The following TMEM238 variants were observed in gnomAD, a reference collection of about 807,000 sequenced individuals.
TMEM238 encodes transmembrane protein 238.
For synonymous variants in TMEM238, 103 were observed against 111.5 expected (o/e 0.92, Z 0.48); for missense variants, 169 against 206.8 (o/e 0.82, Z 1.12).
chr19:55,383,990 G>T lies in TMEM238; in HGVS notation c.270C>A (p.Tyr90Ter). Residue 90 changes from tyrosine (Y) to a stop codon, truncating the protein, a stop_gained, in exon 1 of 2, where the codon TAC becomes TAA. Transcript: ENST00000444469. LOFTEE classifies it low-confidence loss of function (END_TRUNC). This position sits in a 1 kb window ranked among gnomAD's most constrained non-coding sequence, Gnocchi z 4.9. The stretch of plus-strand genomic sequence containing the variant: ...GGCGCGAGATCTCGATGTTGCCGGT[G>T]TACCAGAGGATCCAGCCCAGCAGGC... ...FLSLLGWILW[Y>*]TGNIEISRQE... is the part of the protein sequence containing the mutation. The T allele has an allele frequency of 1.4e-6, 2 of 1,443,004 alleles. No individual in the cohort carries two copies. 89.4% of individuals were successfully genotyped at this position (1,443,004 alleles called of 1,614,324 possible).
Position 55,383,705 on chromosome 19 carries a change from C to A in TMEM238, c.*7+17G>T. 1 of 258,616 alleles carries A rather than the reference C, an allele frequency of 3.9e-6. No homozygotes were observed. The highest frequency in any genetic ancestry group is 7.4e-6 in the Non-Finnish European group (1 of 135,178). The allele number at this position is 258,616 out of a possible 1,614,324, so 16.0% of individuals were successfully genotyped here. A position where few individuals can be genotyped will look rare whatever the true frequency, so the allele number is the denominator to read the frequency against. On this transcript the variant is annotated intron_variant, in intron 1 of 1. Transcript: ENST00000444469. The surrounding 1 kb of genome is among the most constrained non-coding windows in gnomAD (Gnocchi z 4.9). ...TCGGTCCCTCCGTCTCCCCGCCCTG[C>A]CCCGCCCGCCCCTCACCTGGGCCTC...
intron 1 of TMEM238, among the ~76,000 whole-genome samples, chr19:55,382,834 T>G (rs1439973416): frequency 6.6e-6 from 1 of 152,164 alleles, no homozygotes; most frequent in African/African-American, 2.4e-5. Flanking sequence ...CTGTTGGTCC[T>G]TCTTACTCCT....
chr19:55,383,423 C>A lies in TMEM238; in HGVS notation c.*7+299G>T, dbSNP rs1372862327. 6.6e-6 allele frequency among the ~76,000 whole-genome samples: 1 copy of A among 152,084 alleles called. No individual in the cohort carries two copies. Among genetic ancestry groups the A allele is most frequent in the Non-Finnish European group, 1.5e-5 (1 of 67,990 alleles). On this transcript the variant is annotated intron_variant, in intron 1 of 1. Coordinates refer to ENST00000444469, the MANE Select transcript of TMEM238 (RefSeq NM_001190764.2). The surrounding 1 kb of genome is among the most constrained non-coding windows in gnomAD (Gnocchi z 4.9). ...AAACAAAACAAAACAAAAAATGGGG[C>A]CTGGTGTACCTGGAAGCTGGGGCTC...
At position 55,384,132 on chromosome 19, in the gene TMEM238, G is replaced by C. The variant is rs1182513940; in HGVS notation, c.128C>G (p.Ala43Gly). 7.0e-7 allele frequency: 1 copy of C among 1,436,142 alleles called. No homozygotes were observed. The highest frequency in any genetic ancestry group is 9.2e-7 in the Non-Finnish European group (1 of 1,087,352). 89.0% of individuals were successfully genotyped at this position (1,436,142 alleles called of 1,614,324 possible). A position where few individuals can be genotyped will look rare whatever the true frequency, so the allele number is the denominator to read the frequency against. ...RCRMALLLAV[A>G]LDVAGMAALL... ...CGCCGCCATGCCCGCCACATCCAGCGCCACGGCCAGCAGCAGCGCCATCCG... is the reference window on the plus strand; with the variant it reads ...CGCCGCCATGCCCGCCACATCCAGCCCCACGGCCAGCAGCAGCGCCATCCG... The change falls in exon 1 of 2, where the codon GCG becomes GGG. Residue 43 changes from alanine to glycine, a missense_variant. By Grantham distance (60) the Ala-to-Gly change is moderately conservative. Transcript: ENST00000444469. This position sits in a 1 kb window ranked among gnomAD's most constrained non-coding sequence, Gnocchi z 5.6.
chr19:55,379,403 G>A (rs2089875324), intron 1 of TMEM238, 36 bp from the exon 2 acceptor site: 1 of 152,204 alleles, frequency 6.6e-6, no homozygotes, highest in Non-Finnish European at 1.5e-5. Context: ...GACTGCTCAG[G>A]AACCCCTCCC....
chr19:55,384,194 C>T lies in TMEM238; in HGVS notation c.66G>A (p.Ala22=). The T allele has an allele frequency of 3.4e-6, 4 of 1,168,368 alleles. No individual in the cohort carries two copies. The highest frequency in any genetic ancestry group is 4.2e-6 in the Non-Finnish European group (4 of 951,600). 72.4% of individuals were successfully genotyped at this position (1,168,368 alleles called of 1,614,324 possible). A position where few individuals can be genotyped will look rare whatever the true frequency, so the allele number is the denominator to read the frequency against. The change falls in exon 1 of 2, where the codon GCG becomes GCA. Residue 22 remains alanine, a synonymous_variant. Transcript: ENST00000444469. The surrounding 1 kb of genome is among the most constrained non-coding windows in gnomAD (Gnocchi z 5.6). ...GSPPGAPSAP[A]AAPAPAAGLG... Reference sequence around the variant, plus strand: ...GGCCGGCCGCGGGTGCTGGCGCGGCCGCCGGCGCGGACGGTGCACCCGGCG... The same window carrying T: ...GGCCGGCCGCGGGTGCTGGCGCGGCTGCCGGCGCGGACGGTGCACCCGGCG...
rs2096356493 is a variant in TMEM238, at chr19:55,384,242, C to T, written c.18G>A (p.Ala6=). Residue 6 remains alanine, a synonymous_variant, in exon 1 of 2, where the codon GCG becomes GCA. Transcript: ENST00000444469. The surrounding 1 kb of genome is among the most constrained non-coding windows in gnomAD (Gnocchi z 5.6). MAAAP[A]VCASQGSPPG... Reference sequence around the variant, plus strand: ...GCGGGCTCCCCTGCGAGGCGCACACCGCTGGCGCCGCCGCCATGGCCCTGC... The same window carrying T: ...GCGGGCTCCCCTGCGAGGCGCACACTGCTGGCGCCGCCGCCATGGCCCTGC... 2 of 1,104,628 alleles carry T rather than the reference C, an allele frequency of 1.8e-6. No homozygotes were observed. The highest frequency in any genetic ancestry group is 2.2e-6 in the Non-Finnish European group (2 of 908,646). 68.4% of individuals were successfully genotyped at this position (1,104,628 alleles called of 1,614,324 possible).
At position 55,384,119 on chromosome 19, in the gene TMEM238, C is replaced by G; in HGVS notation, c.141G>C (p.Ala47=). 10 of 1,447,918 alleles carry G rather than the reference C, an allele frequency of 6.9e-6. No individual in the cohort carries two copies. The highest frequency in any genetic ancestry group is 8.2e-6 in the Non-Finnish European group (9 of 1,094,496). The allele number at this position is 1,447,918 out of a possible 1,614,324, so 89.7% of individuals were successfully genotyped here. Residue 47 remains alanine (A), a synonymous_variant, in exon 1 of 2, where the codon GCG becomes GCC. Coordinates refer to ENST00000444469, the MANE Select transcript of TMEM238 (RefSeq NM_001190764.2). This position sits in a 1 kb window ranked among gnomAD's most constrained non-coding sequence, Gnocchi z 5.6. ...ALLLAVALDV[A]GMAALLTGVF... ...CGCCGGTCAGCAGCGCCGCCATGCCCGCCACATCCAGCGCCACGGCCAGCA... is the reference window on the plus strand; with the variant it reads ...CGCCGGTCAGCAGCGCCGCCATGCCGGCCACATCCAGCGCCACGGCCAGCA...
At chr19:55,381,343 G>A (rs572251803) in intron 1 of TMEM238, among the ~76,000 whole-genome samples, 30 of 150,406 alleles carry the variant, frequency 2.0e-4, no homozygotes, top group African/African-American at 6.4e-4. Flanking sequence ...GCTTGAACGC[G>A]GGAGGCAGAG....
At chr19:55,382,278 C>G (rs1423416215) in intron 1 of TMEM238, among the ~76,000 whole-genome samples, 2 of 152,194 alleles carry the variant, frequency 1.3e-5, no homozygotes, top group African/African-American at 4.8e-5. Flanking sequence ...ATCCGTTCTT[C>G]CATCCATCCT....
Position 55,384,215 on chromosome 19 carries a change from C to T in TMEM238, c.45G>A (p.Pro15=). 1 of 1,162,948 alleles carries T rather than the reference C, an allele frequency of 8.6e-7. No homozygotes were observed. The highest frequency in any genetic ancestry group is 1.1e-6 in the Non-Finnish European group (1 of 948,192). The allele number at this position is 1,162,948 out of a possible 1,614,324, so 72.0% of individuals were successfully genotyped here. Residue 15 remains proline, a synonymous_variant, in exon 1 of 2, where the codon CCG becomes CCA. Coordinates refer to ENST00000444469, the MANE Select transcript of TMEM238 (RefSeq NM_001190764.2). This position sits in a 1 kb window ranked among gnomAD's most constrained non-coding sequence, Gnocchi z 5.6. The stretch of plus-strand genomic sequence containing the variant: ...CGGCCGCCGGCGCGGACGGTGCACC[C>T]GGCGGGCTCCCCTGCGAGGCGCACA... The part of the protein sequence containing the change: ...PAVCASQGSP[P]GAPSAPAAAP...
Position 55,384,076 on chromosome 19 carries a change from C to T in TMEM238, c.184G>A (p.Val62Met). The change falls in exon 1 of 2, where the codon GTG (valine) becomes ATG (methionine). Residue 62 changes from valine to methionine, a missense_variant. Val to Met is a conservative substitution (Grantham distance 21). Transcript: ENST00000444469. This position sits in a 1 kb window ranked among gnomAD's most constrained non-coding sequence, Gnocchi z 5.6. ...AGGTCCCCGAAGTCGCGGCCGCGCACCTGCAGCTGCGCGAACACGCCGGTC... is the reference window on the plus strand; with the variant it reads ...AGGTCCCCGAAGTCGCGGCCGCGCATCTGCAGCTGCGCGAACACGCCGGTC... ...LLTGVFAQLQVRGRDFGDLLI... is the reference protein window; with the variant it reads ...LLTGVFAQLQMRGRDFGDLLI... The T allele has an allele frequency of 6.8e-7, 1 of 1,475,704 alleles. No homozygotes were observed. Among genetic ancestry groups the T allele is most frequent in the African/African-American group, 1.4e-5 (1 of 69,778 alleles). The allele number at this position is 1,475,704 out of a possible 1,614,324, so 91.4% of individuals were successfully genotyped here.
At chr19:55,379,519 GCCC>G (rs920728753) in intron 1 of TMEM238, among the ~76,000 whole-genome samples, 152 bp from the exon 2 acceptor site, 6 of 152,162 alleles carry the variant, frequency 3.9e-5, no homozygotes, top group African/African-American at 1.2e-4. Flanking sequence ...ATCCCTGCAT[GCCC>G]CCATTTGCTG....
intron 1 of TMEM238, among the ~76,000 whole-genome samples, chr19:55,379,859 G>A (rs1362476366): frequency 2.0e-5 from 3 of 152,022 alleles, no homozygotes; most frequent in Non-Finnish European, 2.9e-5. Context: ...GGAAGACCCC[G>A]TCTCTGGTAC....
chr19:55,379,968 C>A (rs1600294154), intron 1 of TMEM238, among the ~76,000 whole-genome samples: 1 of 151,270 alleles, frequency 6.6e-6, no homozygotes, highest in Admixed American at 6.6e-5. Flanking sequence ...GCTCTCCAGC[C>A]TGAACAACAG....
At chr19:55,380,224 G>C (rs1051313502) in intron 1 of TMEM238, among the ~76,000 whole-genome samples, 6 of 134,704 alleles carry the variant, frequency 4.5e-5, no homozygotes, top group African/African-American at 1.8e-4. Flanking sequence ...GTGGAGGCCT[G>C]TGCAGCTGTG....
Position 55,383,342 on chromosome 19 carries a change from C to T in TMEM238, c.*7+380G>A, listed in dbSNP as rs1478330288. Among the ~76,000 whole-genome samples the T allele has an allele frequency of 6.6e-6, 1 of 152,172 alleles. No individual in the cohort carries two copies. Among genetic ancestry groups the T allele is most frequent in the Non-Finnish European group, 1.5e-5 (1 of 68,042 alleles). ...TGTGAGCTGAGATCACGCCACTGCA[C>T]TCCAGCCTGGGTGACAGTGAGAGAT... is the stretch of plus-strand genomic sequence containing the variant. On this transcript the variant is annotated intron_variant, in intron 1 of 1. Transcript: ENST00000444469. The surrounding 1 kb of genome is among the most constrained non-coding windows in gnomAD (Gnocchi z 4.9).
Position 55,383,646 on chromosome 19 carries a change from C to T in TMEM238, c.*7+76G>A, listed in dbSNP as rs185636808. Reference sequence around the variant, plus strand: ...CCGCTCTCTGTCTCCATCTGTCCATCGCTCCCCCGTCTGTCTCCATTCCCG... The same window carrying T: ...CCGCTCTCTGTCTCCATCTGTCCATTGCTCCCCCGTCTGTCTCCATTCCCG... On this transcript the variant is annotated intron_variant, in intron 1 of 1. Transcript: ENST00000444469. This position sits in a 1 kb window ranked among gnomAD's most constrained non-coding sequence, Gnocchi z 4.9. 2.2e-3 allele frequency: 411 copies of T among 184,656 alleles called. No homozygotes were observed. The highest frequency in any genetic ancestry group is 3.7e-3 in the Non-Finnish European group (327 of 88,030). 11.4% of individuals were successfully genotyped at this position (184,656 alleles called of 1,614,324 possible).
At position 55,383,061 on chromosome 19, in the gene TMEM238, AC is replaced by A. The variant is rs1170900603; in HGVS notation, c.*7+660del. Among the ~76,000 whole-genome samples the A allele has an allele frequency of 9.2e-5, 14 of 152,202 alleles. No homozygotes were observed. Among genetic ancestry groups the A allele is most frequent in the Non-Finnish European group, 1.0e-4 (7 of 68,044 alleles). On this transcript the variant is annotated intron_variant, in intron 1 of 1. Transcript: ENST00000444469. This position sits in a 1 kb window ranked among gnomAD's most constrained non-coding sequence, Gnocchi z 4.9. ...GATGGTAATAGTAGTGACCTTGGAG[AC>A]CAGTTACATGGAGAGGATTAAATGG...
Sources: allele counts gnomAD v4.1 joint callset (sites outside exome capture counted in the v4.1 genomes callset), GRCh38; gene constraint gnomAD v4.1.1; non-coding constraint Gnocchi (gnomAD v3.1); transcripts MANE v1.5; gene names NCBI Gene and HGNC (gene_info 2026-07-23, HGNC 2026-07-21).